Variants in SPIB observed in about 807,000 individuals in gnomAD.
SPIB encodes the protein transcription factor Spi-B.
In SPIB, 7 loss-of-function variants were observed where a neutral mutation model predicts 31.9. That is an observed-to-expected ratio of 0.22 (90% CI 0.12 to 0.41). The LOEUF (loss-of-function observed/expected upper bound fraction) is 0.41, where lower values mean the gene tolerates loss of function less well. SPIB is among the 10% of genes least tolerant of loss of function. The pLI is 1.00. For synonymous variants in SPIB, 176 were observed against 158.9 expected, an observed-to-expected ratio of 1.11 and a Z score of -0.81; for missense variants, 327 against 360.2, an observed-to-expected ratio of 0.91 and a Z score of 0.75.
intron 4 of SPIB, among the ~76,000 whole-genome samples, chr19:50,423,403 G>A (rs974333342): frequency 4.6e-5 from 7 of 152,106 alleles, no homozygotes; most frequent in Non-Finnish European, 1.0e-4. Context: ...GGGCAGACTC[G>A]CATTACCTGT....
At position 50,422,426 on chromosome 19, in the gene SPIB, C is replaced by A. The variant is rs2039507346; in HGVS notation, c.52-47C>A. Reference sequence around the variant, plus strand: ...AGGGTCCAGGGTGGGGGTTGGGAGTCCCCAAGGCCTGGGATGACCCCTCTT... The same window carrying A: ...AGGGTCCAGGGTGGGGGTTGGGAGTACCCAAGGCCTGGGATGACCCCTCTT... On this transcript the variant is annotated intron_variant, in intron 2 of 5. Transcript: ENST00000595883. 5 of 1,589,596 alleles carry A rather than the reference C, an allele frequency of 3.1e-6. No homozygotes were observed. The East Asian group carries it at 1.1e-4, about 36-fold the overall frequency.
intron 5 of SPIB, among the ~76,000 whole-genome samples, chr19:50,425,041 C>G (rs1420435758): frequency 6.6e-6 from 1 of 152,004 alleles, no homozygotes; most frequent in Non-Finnish European, 1.5e-5. Context: ...GAGTCTCGCT[C>G]TGTTACCCAG....
chr19:50,425,012 T>C (rs932265054), intron 5 of SPIB, among the ~76,000 whole-genome samples: 1 of 151,780 alleles, frequency 6.6e-6, no homozygotes, highest in Non-Finnish European at 1.5e-5. Flanking sequence ...ATTAATTAAT[T>C]AATTTATTTT....
Position 50,428,667 on chromosome 19 carries a change from A to G in SPIB, c.*331A>G, listed in dbSNP as rs974162849. Reference sequence around the variant, plus strand: ...CCAGAATCCCAAGAGCTTCTCTGGGATTTTCTTGTGATATCTGATTCCCCA... The same window carrying G: ...CCAGAATCCCAAGAGCTTCTCTGGGGTTTTCTTGTGATATCTGATTCCCCA... On this transcript the variant is annotated 3_prime_UTR_variant, in exon 6 of 6. Coordinates refer to ENST00000595883, the MANE Select transcript of SPIB (RefSeq NM_003121.5). The surrounding 1 kb of genome is among the most constrained non-coding windows in gnomAD (Gnocchi z 6.5). 1 of 328,782 alleles carries G rather than the reference A, an allele frequency of 3.0e-6. No individual in the cohort carries two copies. 20.4% of individuals were successfully genotyped at this position (328,782 alleles called of 1,614,324 possible).
intron 1 of SPIB, among the ~76,000 whole-genome samples, chr19:50,419,493 T>C (rs994961356): frequency 6.6e-6 from 1 of 152,120 alleles, no homozygotes; most frequent in Admixed American, 6.5e-5. Context: ...AATGTCCCTT[T>C]GCACACCTTT....
chr19:50,419,197 A>G (rs1345924279), intron 1 of SPIB, among the ~76,000 whole-genome samples: 1 of 151,922 alleles, frequency 6.6e-6, no homozygotes, highest in Non-Finnish European at 1.5e-5. Flanking sequence ...CTGGTCCCCA[A>G]AGATCTCATT....
intron 2 of SPIB, 110 bp from the exon 3 acceptor site, chr19:50,422,362 TC>T (rs2039506406): frequency 1.2e-6 from 1 of 811,116 alleles, no homozygotes; most frequent in Admixed American, 2.3e-5. Context: ...CTCTCCAGCA[TC>T]CCCTCTTCTC....
intron 1 of SPIB, 72 bp downstream of exon 1, chr19:50,419,057 G>A: frequency 6.5e-7 from 1 of 1,528,614 alleles, no homozygotes; most frequent in Non-Finnish European, 8.9e-7. Flanking sequence ...CTCACCCATG[G>A]GCAGTGGTTT....
intron 2 of SPIB, among the ~76,000 whole-genome samples, chr19:50,421,523 A>C (rs1174269569): frequency 6.6e-6 from 1 of 151,834 alleles, no homozygotes. Context: ...GGGTTTCACC[A>C]TGTTGGCCAG....
At chr19:50,427,341 A>G (rs1197553375) in intron 5 of SPIB, among the ~76,000 whole-genome samples, 1 of 152,278 alleles carries the variant, frequency 6.6e-6, no homozygotes, top group East Asian at 1.9e-4. Flanking sequence ...CCTGGCCAAC[A>G]TGGCGAAACC....
chr19:50,427,868 C>T (rs964290848), intron 5 of SPIB, among the ~76,000 whole-genome samples, 170 bp from the exon 6 acceptor site: 2 of 55,294 alleles, frequency 3.6e-5, no homozygotes, highest in Non-Finnish European at 1.1e-4. Context: ...GCCCCCCCCC[C>T]CCCCCGTGGT....
intron 1 of SPIB, 47 bp downstream of exon 1, chr19:50,419,032 G>T: frequency 3.2e-6 from 5 of 1,548,708 alleles, no homozygotes; most frequent in Non-Finnish European, 4.4e-6. Context: ...CACCTGCACT[G>T]CCCCTCTGTG....
chr19:50,424,954 G>A (rs924351880), intron 5 of SPIB, among the ~76,000 whole-genome samples: 78 of 47,506 alleles, frequency 1.6e-3, no homozygotes, highest in Non-Finnish European at 2.5e-3. Flanking sequence ...GCAAGACTCC[G>A]TCTCAAAAAC....
Position 50,428,238 on chromosome 19 carries a change from C to T in SPIB, c.691C>T (p.Leu231Phe). 3 of 1,562,620 alleles carry T rather than the reference C, an allele frequency of 1.9e-6. No individual in the cohort carries two copies. The highest frequency in any genetic ancestry group is 2.6e-6 in the Non-Finnish European group (3 of 1,153,122). ...RMTYQKLARA[L>F]RNYAKTGEIR... ...GACCTACCAGAAGCTGGCGCGCGCC[C>T]TCCGAAACTACGCCAAGACCGGCGA... The change falls in exon 6 of 6, where the codon CTC becomes TTC. Residue 231 changes from leucine (L) to phenylalanine (F), a missense_variant. By Grantham distance (22) the Leu-to-Phe change is conservative (BLOSUM62 0). Around this residue, in one of 4 missense-constraint regions of SPIB, gnomAD observed 10 missense variants for 38.8 expected, o/e 0.26. Transcript: ENST00000595883. The surrounding 1 kb of genome is among the most constrained non-coding windows in gnomAD (Gnocchi z 6.5).
At chr19:50,424,476 G>A (rs529203644) in intron 5 of SPIB, among the ~76,000 whole-genome samples, 33 of 151,986 alleles carry the variant, frequency 2.2e-4, no homozygotes, top group Admixed American at 1.2e-3. Flanking sequence ...GCAAAACCCC[G>A]TCTCTACTAA....
intron 5 of SPIB, among the ~76,000 whole-genome samples, chr19:50,427,150 G>A (rs2039575275): frequency 6.6e-6 from 1 of 151,802 alleles, no homozygotes; most frequent in African/African-American, 2.4e-5. Context: ...AAATTAAGAT[G>A]TCACTACGTC....
At chr19:50,425,612 T>C (rs2039555265) in intron 5 of SPIB, among the ~76,000 whole-genome samples, 1 of 152,104 alleles carries the variant, frequency 6.6e-6, no homozygotes, top group Admixed American at 6.6e-5. Context: ...GACTAATTTT[T>C]AAAATTTTTG....
At chr19:50,425,907 G>A (rs1282758694) in intron 5 of SPIB, among the ~76,000 whole-genome samples, 1 of 152,026 alleles carries the variant, frequency 6.6e-6, no homozygotes. Context: ...TTCCTGAGGG[G>A]GTTTTAATTG....
chr19:50,423,336 G>A (rs1197210832), intron 4 of SPIB: 13 of 522,768 alleles, frequency 2.5e-5, no homozygotes, highest in African/African-American at 1.7e-4. Context: ...GTTACGTTCC[G>A]TTGTTGCCCC....
Sources: allele counts gnomAD v4.1 joint callset (sites outside exome capture counted in the v4.1 genomes callset), GRCh38; gene constraint gnomAD v4.1.1; regional missense constraint gnomAD v4.1.1; non-coding constraint Gnocchi (gnomAD v3.1); transcripts MANE v1.5; gene names NCBI Gene and HGNC (gene_info 2026-07-23, HGNC 2026-07-21).